The following PLEKHA5 variants were observed in gnomAD, a reference collection of about 807,000 sequenced individuals.
The protein encoded by PLEKHA5 is pleckstrin homology domain containing A5, also known as pleckstrin homology domain-containing family A member 5.
PLEKHA5 carries 55 observed loss-of-function variants against 181.9 expected under a neutral mutation model. The observed-to-expected ratio is 0.30, with a 90% confidence interval of 0.24 to 0.38. The LOEUF is 0.38. Among genes scored for constraint, PLEKHA5 ranks in the 10% least tolerant of loss-of-function variants. PLEKHA5 has a pLI of 1.00. For synonymous variants in PLEKHA5, 535 were observed against 529.4 expected (o/e 1.01, Z -0.15); for missense variants, 1,432 against 1,549.5 (o/e 0.92, Z 1.27).
chr12:19,265,408 C>T (rs2070012322), intron 7 of PLEKHA5, among the ~76,000 whole-genome samples: 1 of 152,086 alleles, frequency 6.6e-6, no homozygotes, highest in South Asian at 2.1e-4. Flanking sequence ...TGAGCAAAGC[C>T]TGAAGGATGT....
chr12:19,256,606 T>A (rs2066942256), intron 5 of PLEKHA5, among the ~76,000 whole-genome samples: 1 of 152,202 alleles, frequency 6.6e-6, no homozygotes, highest in African/African-American at 2.4e-5. Flanking sequence ...TAGGAAAAAT[T>A]TTGTTGATAT....
chr12:19,165,596 A>G (rs1215486052), intron 3 of PLEKHA5, among the ~76,000 whole-genome samples: 1 of 152,182 alleles, frequency 6.6e-6, no homozygotes, highest in Admixed American at 6.5e-5. Flanking sequence ...GCTCTTTGAC[A>G]TTCAGAGGTG....
At position 19,296,201 on chromosome 12, in the gene PLEKHA5, C is replaced by T. The variant is rs947378682; in HGVS notation, c.2037+4504C>T. Among the ~76,000 whole-genome samples, 8 of 150,510 alleles carry T rather than the reference C, an allele frequency of 5.3e-5. 1 individual carries two copies. The highest frequency in any genetic ancestry group is 2.0e-4 in the African/African-American group (8 of 40,904). On this transcript the variant is annotated intron_variant, in intron 15 of 31. Coordinates refer to ENST00000429027, the MANE Select transcript of PLEKHA5 (RefSeq NM_001256470.2). Reference sequence around the variant, plus strand: ...GTTGTGGTGAGCCAAGATCACGCCACTGCACTACAGCCCGGGCGACAGAGT... The same window carrying T: ...GTTGTGGTGAGCCAAGATCACGCCATTGCACTACAGCCCGGGCGACAGAGT...
At chr12:19,326,972 G>A (rs1040101824) in intron 20 of PLEKHA5, among the ~76,000 whole-genome samples, 8 of 152,148 alleles carry the variant, frequency 5.3e-5, no homozygotes, top group African/African-American at 1.9e-4. Context: ...ACCATTGATG[G>A]GCATCTAGGT....
chr12:19,158,997 T>C lies in PLEKHA5; in HGVS notation c.227+26547T>C, dbSNP rs558224080. 2.6e-5 allele frequency among the ~76,000 whole-genome samples: 4 copies of C among 152,344 alleles called. No individual in the cohort carries two copies. In the South Asian group the frequency reaches 8.3e-4, roughly 32 times the overall value. On this transcript the variant is annotated intron_variant, in intron 3 of 31. Coordinates refer to ENST00000429027, the MANE Select transcript of PLEKHA5 (RefSeq NM_001256470.2). ...CTCCTGAAAAATTCAACTGATGTTATGCAACTTGGAACATAAGACCGGACA... is the reference window on the plus strand; with the variant it reads ...CTCCTGAAAAATTCAACTGATGTTACGCAACTTGGAACATAAGACCGGACA...
At chr12:19,322,740 A>T in intron 20 of PLEKHA5, 73 bp downstream of exon 20, 1 of 970,670 alleles carries the variant, frequency 1.0e-6, no homozygotes, top group Non-Finnish European at 1.6e-6. Context: ...CTTTTTTTTA[A>T]TACTGGGCTC....
At chr12:19,363,525 T>C (rs1217818218) in intron 29 of PLEKHA5, among the ~76,000 whole-genome samples, 1 of 149,990 alleles carries the variant, frequency 6.7e-6, no homozygotes, top group Non-Finnish European at 1.5e-5. Flanking sequence ...AGAGTCTCAC[T>C]CTGTCACCCA....
intron 26 of PLEKHA5, among the ~76,000 whole-genome samples, chr12:19,357,865 C>T (rs1191173270): frequency 6.6e-6 from 1 of 152,070 alleles, no homozygotes; most frequent in Non-Finnish European, 1.5e-5. Context: ...GTCTCAAACT[C>T]CTGGGCTCAA....
intron 25 of PLEKHA5, among the ~76,000 whole-genome samples, 188 bp from the exon 26 acceptor site, chr12:19,353,696 T>A (rs1296419008): frequency 6.6e-6 from 1 of 152,052 alleles, no homozygotes; most frequent in Non-Finnish European, 1.5e-5. Context: ...TGACCTCAGG[T>A]CATCCGCCTG....
At chr12:19,336,394 A>G (rs532910818) in intron 20 of PLEKHA5, 121 bp from the exon 21 acceptor site, 29 of 552,912 alleles carry the variant, frequency 5.2e-5, no homozygotes, top group African/African-American at 4.7e-4. Flanking sequence ...GGTTATAAAA[A>G]TTCCTGTTTT....
chr12:19,284,141 T>C (rs1441819332), intron 12 of PLEKHA5, among the ~76,000 whole-genome samples: 2 of 152,198 alleles, frequency 1.3e-5, no homozygotes, highest in African/African-American at 2.4e-5. Flanking sequence ...TAATCTCAGC[T>C]CACTGCAACC....
At chr12:19,340,447 A>T (rs1202841561) in intron 21 of PLEKHA5, among the ~76,000 whole-genome samples, 1 of 58,666 alleles carries the variant, frequency 1.7e-5, no homozygotes. Context: ...CCCGTCTGGG[A>T]GGTGTACTCA....
At chr12:19,306,804 G>A (rs1043464737) in intron 15 of PLEKHA5, 5 of 836,638 alleles carry the variant, frequency 6.0e-6, no homozygotes, top group Non-Finnish European at 1.0e-5. Context: ...AGCAGTTGTC[G>A]CACCATGTCT....
chr12:19,284,046 G>T (rs928414994), intron 12 of PLEKHA5, among the ~76,000 whole-genome samples: 1 of 151,894 alleles, frequency 6.6e-6, no homozygotes, highest in Admixed American at 6.6e-5. Flanking sequence ...AACACCACAT[G>T]CATTTTTCTG....
At chr12:19,306,661 T>C in intron 15 of PLEKHA5, 1 of 1,440,174 alleles carries the variant, frequency 6.9e-7, no homozygotes, top group Non-Finnish European at 9.7e-7. Flanking sequence ...GTGACTGATC[T>C]CCCCGGGCGC....
At chr12:19,249,511 T>C (rs1315811648) in intron 3 of PLEKHA5, among the ~76,000 whole-genome samples, 1 of 152,172 alleles carries the variant, frequency 6.6e-6, no homozygotes, top group Non-Finnish European at 1.5e-5. Flanking sequence ...ATTTCTGGGA[T>C]TTTCTATTTA....
intron 16 of PLEKHA5, among the ~76,000 whole-genome samples, chr12:19,318,419 C>A (rs113318499): frequency 0.012 from 1,815 of 152,068 alleles, 23 homozygotes; most frequent in African/African-American, 0.042. Context: ...AATAAATCTG[C>A]AATAAGATTC....
chr12:19,320,201 T>G (rs2090273948), intron 17 of PLEKHA5, 145 bp downstream of exon 17: 1 of 405,538 alleles, frequency 2.5e-6, no homozygotes, highest in Non-Finnish European at 4.3e-6. Flanking sequence ...TATGCTTAAT[T>G]TAAGTATTTG....
intron 3 of PLEKHA5, among the ~76,000 whole-genome samples, chr12:19,198,932 T>G (rs1055868304): frequency 6.6e-6 from 1 of 152,224 alleles, no homozygotes; most frequent in Non-Finnish European, 1.5e-5. Context: ...ATGTATGGTT[T>G]TGTTTTTTTG....
Sources: allele counts gnomAD v4.1 joint callset (sites outside exome capture counted in the v4.1 genomes callset), GRCh38; gene constraint gnomAD v4.1.1; transcripts MANE v1.5; gene names NCBI Gene and HGNC (gene_info 2026-07-23, HGNC 2026-07-21).